Variants in DLG2 observed in about 807,000 individuals in gnomAD.
The protein encoded by DLG2 is discs large MAGUK scaffold protein 2, also known as disks large homolog 2.
A neutral mutation model predicts 132.5 loss-of-function variants in DLG2; 45 were observed. The ratio of observed to expected loss-of-function variants is 0.34; its 90% CI spans 0.27 to 0.44. DLG2 has a LOEUF of 0.44. DLG2 is among the 20% of genes least tolerant of loss of function. The pLI, the probability that DLG2 is intolerant of heterozygous loss-of-function variation, is 1.00. For missense variants in DLG2, 1,045 were observed against 1,196.9 expected (o/e 0.87, Z 1.87); for synonymous variants, 424 against 419.6 (o/e 1.01, Z -0.13).
At chr11:84,255,599 A>C (rs963869638) in intron 7 of DLG2, among the ~76,000 whole-genome samples, 4 of 152,172 alleles carry the variant, frequency 2.6e-5, no homozygotes, top group Non-Finnish European at 5.9e-5. Context: ...CTGGGAGTAC[A>C]GGTGTGAGCC....
At chr11:85,449,542 T>C (rs2092150672) in intron 3 of DLG2, among the ~76,000 whole-genome samples, 1 of 152,112 alleles carries the variant, frequency 6.6e-6, no homozygotes, top group African/African-American at 2.4e-5. Flanking sequence ...CTTTCTTATA[T>C]TAGAGAGTAC....
intron 8 of DLG2, among the ~76,000 whole-genome samples, chr11:84,218,244 G>C (rs532295222): frequency 6.8e-6 from 1 of 146,770 alleles, no homozygotes; most frequent in East Asian, 2.0e-4. Flanking sequence ...AGGAAAGGAA[G>C]GAAGGAAGGA....
intron 6 of DLG2, among the ~76,000 whole-genome samples, chr11:84,805,259 C>A (rs980186397): frequency 2.0e-5 from 3 of 152,090 alleles, no homozygotes; most frequent in African/African-American, 7.2e-5. Context: ...GCATGGGAAA[C>A]TGGGAATTTT....
At chr11:84,703,937 G>T (rs1470862265) in intron 6 of DLG2, among the ~76,000 whole-genome samples, 3 of 135,252 alleles carry the variant, frequency 2.2e-5, no homozygotes, top group Admixed American at 7.5e-5. Context: ...TGTATTTTAG[G>T]GTAATACATT....
chr11:84,074,470 T>A (rs1455012184), intron 10 of DLG2, among the ~76,000 whole-genome samples: 2 of 151,828 alleles, frequency 1.3e-5, no homozygotes, highest in Non-Finnish European at 2.9e-5. Flanking sequence ...ACATGTTGGC[T>A]CACGGGTTCC....
chr11:84,044,437 T>C (rs1945802), intron 11 of DLG2, among the ~76,000 whole-genome samples: 132,239 of 151,612 alleles, frequency 0.87, 57,930 homozygotes, highest in Middle Eastern at 0.93. Context: ...TGCCTAGAAT[T>C]ATTTTGTTTT....
intron 7 of DLG2, among the ~76,000 whole-genome samples, chr11:84,505,292 G>A (rs1263934422): frequency 6.6e-6 from 1 of 152,094 alleles, no homozygotes; most frequent in East Asian, 1.9e-4. Flanking sequence ...CATTCTATGA[G>A]CGTATACTGT....
chr11:84,194,680 A>G (rs780452739), intron 8 of DLG2, among the ~76,000 whole-genome samples: 16 of 152,318 alleles, frequency 1.1e-4, no homozygotes, highest in Non-Finnish European at 1.9e-4. Context: ...ACCTTTAGCT[A>G]GACATAAAAG....
chr11:83,486,216 C>A (rs2093492171), intron 21 of DLG2: 1 of 689,416 alleles, frequency 1.5e-6, no homozygotes, highest in Non-Finnish European at 2.6e-6. Context: ...AGTTTCATGC[C>A]ACTTTTACAT....
At chr11:84,130,288 T>C (rs375785358) in intron 9 of DLG2, among the ~76,000 whole-genome samples, 12 of 151,882 alleles carry the variant, frequency 7.9e-5, no homozygotes, top group East Asian at 7.7e-4. Flanking sequence ...TTATTCTACA[T>C]AGAAACACAA....
At chr11:84,708,969 A>G (rs2060075218) in intron 6 of DLG2, among the ~76,000 whole-genome samples, 1 of 151,924 alleles carries the variant, frequency 6.6e-6, no homozygotes, top group Non-Finnish European at 1.5e-5. Context: ...TTAGGAAAAA[A>G]GTTGTCTAGT....
chr11:84,588,273 C>A (rs998758144), intron 6 of DLG2, among the ~76,000 whole-genome samples: 1 of 152,118 alleles, frequency 6.6e-6, no homozygotes, highest in Non-Finnish European at 1.5e-5. Flanking sequence ...TTAGAATAAC[C>A]CTCTAGCAAC....
chr11:84,398,196 A>C (rs906708333), intron 7 of DLG2, among the ~76,000 whole-genome samples: 1 of 152,178 alleles, frequency 6.6e-6, no homozygotes, highest in African/African-American at 2.4e-5. Flanking sequence ...TGACAAGATG[A>C]CTGTAATGGA....
At chr11:84,794,689 C>T (rs976080511) in intron 6 of DLG2, among the ~76,000 whole-genome samples, 1 of 152,246 alleles carries the variant, frequency 6.6e-6, no homozygotes, top group Admixed American at 6.5e-5. Flanking sequence ...GGTCTCTCCC[C>T]ACTCCTGGCA....
At chr11:84,559,211 C>A (rs2099418184) in intron 6 of DLG2, among the ~76,000 whole-genome samples, 1 of 152,024 alleles carries the variant, frequency 6.6e-6, no homozygotes, top group African/African-American at 2.4e-5. Flanking sequence ...ATTGCCTGAA[C>A]TTTTATCTAT....
intron 4 of DLG2, among the ~76,000 whole-genome samples, chr11:85,170,259 T>C (rs887940001): frequency 2.0e-5 from 3 of 152,144 alleles, no homozygotes; most frequent in Non-Finnish European, 4.4e-5. Context: ...GGAACTTCAG[T>C]AAGGCCTGTT....
intron 14 of DLG2, among the ~76,000 whole-genome samples, chr11:83,944,003 T>C (rs533628912): frequency 6.6e-6 from 1 of 152,294 alleles, no homozygotes; most frequent in South Asian, 2.1e-4. Flanking sequence ...TGCCATATGG[T>C]ACATACTCAG....
At chr11:83,493,924 A>G (rs2094008521) in intron 21 of DLG2, among the ~76,000 whole-genome samples, 1 of 152,154 alleles carries the variant, frequency 6.6e-6, no homozygotes, top group African/African-American at 2.4e-5. Flanking sequence ...AACAAATAAT[A>G]TTCAATCTAA....
intron 16 of DLG2, among the ~76,000 whole-genome samples, chr11:83,844,821 C>T (rs1049226420): frequency 1.3e-5 from 2 of 152,070 alleles, no homozygotes; most frequent in African/African-American, 4.8e-5. Context: ...TCTGGCCATC[C>T]TAGCTCAATG....
Sources: allele counts gnomAD v4.1 joint callset (sites outside exome capture counted in the v4.1 genomes callset), GRCh38; gene constraint gnomAD v4.1.1; transcripts MANE v1.5; gene names NCBI Gene and HGNC (gene_info 2026-07-23, HGNC 2026-07-21).